Variants in ADCY3 observed in about 807,000 individuals in gnomAD.
The protein encoded by ADCY3 is adenylate cyclase 3.
A neutral mutation model predicts 119.4 loss-of-function variants in ADCY3; 70 were observed. The observed-to-expected ratio is 0.59, with a 90% CI of 0.48 to 0.72. The LOEUF (loss-of-function observed/expected upper bound fraction) is 0.72. ADCY3 is among the 30% of genes least tolerant of loss of function. ADCY3 has a pLI of 0.00. For missense variants in ADCY3, 1,238 were observed against 1,541.6 expected, an observed-to-expected ratio of 0.80 and a Z score of 3.30; for synonymous variants, 672 against 621.4, an observed-to-expected ratio of 1.08 and a Z score of -1.21.
In ADCY3 at chr2:24,841,357, C is replaced by T. The variant is rs1285764472; in HGVS notation, c.1098G>A (p.Leu366=). The change falls in exon 6 of 22, where the codon CTG becomes CTA. Residue 366 remains leucine, a synonymous_variant. Coordinates refer to ENST00000679454, the MANE Select transcript of ADCY3 (RefSeq NM_004036.5). This position sits in a 1 kb window ranked among gnomAD's most constrained non-coding sequence, Gnocchi z 5.8. ...AKYHQLRIKI[L]GDCYYCICGL... is the part of the protein sequence containing the mutation. ...CGCAGATGCAGTAGTAGCAGTCGCCCAGGATCTTAATCCGCAGCTGGTGGT... is the reference window on the plus strand; with the variant it reads ...CGCAGATGCAGTAGTAGCAGTCGCCTAGGATCTTAATCCGCAGCTGGTGGT... The T allele has an allele frequency of 2.5e-6, 4 of 1,607,816 alleles. No homozygotes were observed. In the South Asian group the frequency reaches 3.4e-5, roughly 13 times the overall value.
intron 2 of ADCY3, among the ~76,000 whole-genome samples, chr2:24,916,183 T>C (rs894352705): frequency 6.6e-6 from 1 of 152,266 alleles, no homozygotes; most frequent in Non-Finnish European, 1.5e-5. Context: ...GGGTTTTATG[T>C]CTTAGCAATA....
chr2:24,855,173 G>A (rs1450059453), intron 3 of ADCY3, among the ~76,000 whole-genome samples: 3 of 149,814 alleles, frequency 2.0e-5, no homozygotes, highest in South Asian at 2.1e-4. Context: ...TAACCAGGCT[G>A]TGTCCTTAGC....
rs542941770 is a variant in ADCY3, at chr2:24,910,460, G to T, written c.675+7853C>A. Among the ~76,000 whole-genome samples, 18 of 152,262 alleles carry T rather than the reference G, an allele frequency of 1.2e-4. No homozygotes were observed. In the South Asian group the frequency reaches 3.7e-3, roughly 32 times the overall value. ...AAATTTTGGGGCTGTTTGTTACACAGCAGTGGATAACTAAAACACATGGTG... is the reference window on the plus strand; with the variant it reads ...AAATTTTGGGGCTGTTTGTTACACATCAGTGGATAACTAAAACACATGGTG... On this transcript the variant is annotated intron_variant, in intron 2 of 21. Transcript: ENST00000679454.
chr2:24,825,334 C>CGGG (rs768838126), intron 16 of ADCY3, among the ~76,000 whole-genome samples: 20 of 81,478 alleles, frequency 2.5e-4, no homozygotes, highest in African/African-American at 6.8e-4. Context: ...GTGGTTGTGG[C>CGGG]GGGGGGGGGG....
At chr2:24,824,229 C>T in intron 17 of ADCY3, 149 bp downstream of exon 17, 2 of 986,162 alleles carry the variant, frequency 2.0e-6, no homozygotes, top group Non-Finnish European at 2.9e-6. Context: ...TCCTCTTTTG[C>T]TTATTTGTGT....
chr2:24,852,414 G>C (rs1025671906), intron 3 of ADCY3, among the ~76,000 whole-genome samples: 1 of 152,218 alleles, frequency 6.6e-6, no homozygotes, highest in Non-Finnish European at 1.5e-5. Context: ...AGAAGAGGGA[G>C]CGGAGGAGGA....
chr2:24,864,384 T>C (rs1215699797), intron 3 of ADCY3, among the ~76,000 whole-genome samples: 2 of 152,126 alleles, frequency 1.3e-5, no homozygotes, highest in East Asian at 1.9e-4. Flanking sequence ...CTTTTGGGTA[T>C]ATATCCAAAA....
At chr2:24,855,500 C>T (rs922869948) in intron 3 of ADCY3, among the ~76,000 whole-genome samples, 19 of 152,102 alleles carry the variant, frequency 1.2e-4, no homozygotes, top group African/African-American at 4.3e-4. Flanking sequence ...GGGGCCGAGG[C>T]CTGGGTGCCC....
chr2:24,842,200 G>T lies in ADCY3; in HGVS notation c.956+54C>A. On this transcript the variant is annotated intron_variant, in intron 4 of 21. Coordinates refer to ENST00000679454, the MANE Select transcript of ADCY3 (RefSeq NM_004036.5). This position sits in a 1 kb window ranked among gnomAD's most constrained non-coding sequence, Gnocchi z 4.9. ...AGCACCTAGCGGGTCCCACAAAGATGCAGCCCTCCACAGCCTGCTCTGCCA... is the reference window on the plus strand; with the variant it reads ...AGCACCTAGCGGGTCCCACAAAGATTCAGCCCTCCACAGCCTGCTCTGCCA... The T allele has an allele frequency of 6.2e-7, 1 of 1,609,504 alleles. No individual in the cohort carries two copies.
intron 17 of ADCY3, 82 bp downstream of exon 17, chr2:24,824,296 G>T: frequency 6.5e-7 from 1 of 1,550,370 alleles, no homozygotes; most frequent in East Asian, 2.3e-5. Flanking sequence ...GAGAAGGCCT[G>T]GGCCCAGCGG....
At chr2:24,907,471 G>A (rs1663008838) in intron 2 of ADCY3, among the ~76,000 whole-genome samples, 1 of 152,190 alleles carries the variant, frequency 6.6e-6, no homozygotes, top group Non-Finnish European at 1.5e-5. Context: ...AAGTGTTGTG[G>A]AGGAGAGGAA....
chr2:24,828,204 C>G (rs748746044), intron 13 of ADCY3, 43 bp from the exon 14 acceptor site: 33 of 1,603,648 alleles, frequency 2.1e-5, no homozygotes, highest in Non-Finnish European at 2.8e-5. Flanking sequence ...TTCAAGAGAA[C>G]AGCAGGTGCT....
intron 21 of ADCY3, 65 bp from the exon 22 acceptor site, chr2:24,820,179 G>A (rs1667354602): frequency 4.6e-6 from 6 of 1,302,760 alleles, no homozygotes; most frequent in Non-Finnish European, 6.3e-6. Flanking sequence ...GGCGGGTGGG[G>A]GCTTTGGGTG....
At chr2:24,902,653 T>G (rs1322712131) in intron 2 of ADCY3, among the ~76,000 whole-genome samples, 1 of 152,152 alleles carries the variant, frequency 6.6e-6, no homozygotes, top group Non-Finnish European at 1.5e-5. Context: ...CAACCCCTTC[T>G]CTTTCTCCTC....
chr2:24,884,668 G>C (rs1215657906), intron 2 of ADCY3, among the ~76,000 whole-genome samples: 1 of 151,750 alleles, frequency 6.6e-6, no homozygotes, highest in Non-Finnish European at 1.5e-5. Context: ...GTAGAGACAG[G>C]GTTTTGCCAC....
At chr2:24,843,422 AG>A (rs1220483559) in intron 3 of ADCY3, among the ~76,000 whole-genome samples, 1 of 152,192 alleles carries the variant, frequency 6.6e-6, no homozygotes, top group Non-Finnish European at 1.5e-5. Context: ...TTGTAGAAAC[AG>A]GGTCTTGCCA....
rs539404976 is a variant in ADCY3, at chr2:24,862,681, C to G, written c.825+9889G>C. Among the ~76,000 whole-genome samples, 144 of 152,028 alleles carry G rather than the reference C, an allele frequency of 9.5e-4. 1 individual carries two copies. The highest frequency in any genetic ancestry group is 3.4e-3 in the African/African-American group (140 of 41,440). ...GGCACAACATGGTGAGTGTACTAAA[C>G]CACTTTCAAGGGGTTTCATTTTAGC... is the stretch of plus-strand genomic sequence containing the variant. On this transcript the variant is annotated intron_variant, in intron 3 of 21. Transcript: ENST00000679454.
intron 15 of ADCY3, among the ~76,000 whole-genome samples, chr2:24,826,894 T>C (rs569029569): frequency 6.6e-6 from 1 of 152,224 alleles, no homozygotes; most frequent in East Asian, 1.9e-4. Flanking sequence ...CCACCAGGAG[T>C]GTAAGAGTTA....
chr2:24,821,024 G>T, intron 20 of ADCY3, 176 bp from the exon 21 acceptor site: 1 of 906,562 alleles, frequency 1.1e-6, no homozygotes, highest in Non-Finnish European at 1.6e-6. Context: ...GTTTATCCGT[G>T]TGCTTGTTAG....
Sources: gnomAD v4.1 joint callset for allele counts (sites outside exome capture counted in the v4.1 genomes callset) on GRCh38, gnomAD v4.1.1 for gene constraint, Gnocchi (gnomAD v3.1) non-coding constraint, MANE v1.5 for transcripts, NCBI Gene and HGNC (gene_info 2026-07-23, HGNC 2026-07-21) for gene names.